GRIA1: variants seen among roughly 807,000 people sequenced by gnomAD.
The protein encoded by GRIA1 is glutamate receptor 1.
GRIA1 carries 31 observed loss-of-function variants against 99.2 expected under a neutral mutation model. The ratio of observed to expected loss-of-function variants is 0.31; its 90% CI spans 0.23 to 0.42. The LOEUF (loss-of-function observed/expected upper bound fraction) is 0.42. Ranked by LOEUF, GRIA1 falls within the 10% of genes least tolerant of loss-of-function variation. GRIA1 has a pLI of 1.00. For synonymous variants in GRIA1, 438 were observed against 432.4 expected (o/e 1.01, Z -0.16); for missense variants, 782 against 1,157.5 (o/e 0.68, Z 4.71).
At chr5:153,612,166 G>A (rs139666774) in intron 2 of GRIA1, among the ~76,000 whole-genome samples, 1 of 152,286 alleles carries the variant, frequency 6.6e-6, no homozygotes, top group East Asian at 1.9e-4. Context: ...CACCTAGGTG[G>A]GAATGAATAA....
intron 13 of GRIA1, among the ~76,000 whole-genome samples, chr5:153,779,849 C>T (rs923869407): frequency 2.0e-5 from 3 of 152,308 alleles, no homozygotes; most frequent in Non-Finnish European, 4.4e-5. Flanking sequence ...CATGAGCCAC[C>T]ATGCCCATCC....
At chr5:153,680,881 C>A (rs1756925600) in intron 7 of GRIA1, among the ~76,000 whole-genome samples, 1 of 152,118 alleles carries the variant, frequency 6.6e-6, no homozygotes, top group South Asian at 2.1e-4. Context: ...ACTTTATTAT[C>A]CAAAATCTAT....
chr5:153,790,013 A>C (rs1412235756), intron 13 of GRIA1, among the ~76,000 whole-genome samples: 2 of 152,214 alleles, frequency 1.3e-5, no homozygotes, highest in Non-Finnish European at 2.9e-5. Context: ...AGATGGAGAC[A>C]CTGAAGCTCA....
At chr5:153,524,558 G>A (rs1004655520) in intron 2 of GRIA1, among the ~76,000 whole-genome samples, 2 of 152,078 alleles carry the variant, frequency 1.3e-5, no homozygotes, top group Admixed American at 6.6e-5. Flanking sequence ...TTTAATTCCA[G>A]GCTAGATCAC....
intron 2 of GRIA1, among the ~76,000 whole-genome samples, chr5:153,626,223 G>A (rs1767590312): frequency 1.3e-5 from 2 of 152,196 alleles, no homozygotes; most frequent in Admixed American, 6.5e-5. Context: ...ATTTTAAATA[G>A]GAGAGAAAAG....
chr5:153,520,584 G>A (rs1757046724), intron 2 of GRIA1, among the ~76,000 whole-genome samples: 2 of 152,120 alleles, frequency 1.3e-5, no homozygotes, highest in Admixed American at 6.6e-5. Context: ...AGTGAGTAGG[G>A]AAGATGTATA....
chr5:153,673,438 G>A (rs1457167299), intron 5 of GRIA1, among the ~76,000 whole-genome samples: 1 of 152,156 alleles, frequency 6.6e-6, no homozygotes, highest in Non-Finnish European at 1.5e-5. Flanking sequence ...TTCCCCACTA[G>A]AATATAAGCT....
intron 2 of GRIA1, among the ~76,000 whole-genome samples, chr5:153,527,824 A>G (rs1262632361): frequency 6.6e-6 from 1 of 152,196 alleles, no homozygotes; most frequent in Non-Finnish European, 1.5e-5. Context: ...GAAATGGAAC[A>G]TTTCTTGAGA....
chr5:153,787,967 C>T (rs1353869804), intron 13 of GRIA1, among the ~76,000 whole-genome samples: 1 of 152,100 alleles, frequency 6.6e-6, no homozygotes, highest in African/African-American at 2.4e-5. Context: ...GTAGTCCCAG[C>T]TACTCGGGAG....
Position 153,677,180 on chromosome 5 carries a change from G to A in GRIA1, c.1029+19G>A. The stretch of plus-strand genomic sequence containing the variant: ...GCAGCAGGTAAGACCACCAATGTTT[G>A]CCCCATCTCATAGGAGCCTACTGGG... On this transcript the variant is annotated intron_variant, in intron 7 of 15. Coordinates refer to ENST00000285900, the MANE Select transcript of GRIA1 (RefSeq NM_000827.4). 7.0e-7 allele frequency: 1 copy of A among 1,424,826 alleles called. No individual in the cohort carries two copies. The highest frequency in any genetic ancestry group is 9.3e-7 in the Non-Finnish European group (1 of 1,075,016). 88.3% of individuals were successfully genotyped at this position (1,424,826 alleles called of 1,614,324 possible).
chr5:153,532,599 A>C (rs1037150724), intron 2 of GRIA1, among the ~76,000 whole-genome samples: 1 of 152,144 alleles, frequency 6.6e-6, no homozygotes, highest in Non-Finnish European at 1.5e-5. Context: ...CTCAACATTG[A>C]GGATGTCATG....
chr5:153,800,926 G>A (rs1345661107), intron 14 of GRIA1, among the ~76,000 whole-genome samples: 1 of 152,184 alleles, frequency 6.6e-6, no homozygotes, highest in Non-Finnish European at 1.5e-5. Flanking sequence ...GAGGTATAAA[G>A]GCCACATCCT....
chr5:153,793,910 T>G (rs1264287278), intron 13 of GRIA1, among the ~76,000 whole-genome samples: 1 of 152,196 alleles, frequency 6.6e-6, no homozygotes, highest in Non-Finnish European at 1.5e-5. Context: ...TAAACAGCAG[T>G]CATGTAAATG....
intron 13 of GRIA1, among the ~76,000 whole-genome samples, chr5:153,777,522 C>T (rs1371946964): frequency 6.6e-6 from 1 of 152,140 alleles, no homozygotes; most frequent in Admixed American, 6.5e-5. Context: ...GATGAAATAG[C>T]ATGAAGTGCC....
At chr5:153,683,782 T>C (rs773244771) in intron 7 of GRIA1, among the ~76,000 whole-genome samples, 14 of 152,188 alleles carry the variant, frequency 9.2e-5, no homozygotes, top group Admixed American at 5.9e-4. Context: ...TATTATCATC[T>C]AAATAATATA....
chr5:153,502,482 C>A (rs1353204898), intron 2 of GRIA1, among the ~76,000 whole-genome samples: 4 of 152,070 alleles, frequency 2.6e-5, no homozygotes, highest in Admixed American at 6.6e-5. Context: ...AGGTGTAAGT[C>A]CAATTGAAAG....
chr5:153,665,801 T>C (rs1198568346), intron 5 of GRIA1, among the ~76,000 whole-genome samples: 1 of 152,146 alleles, frequency 6.6e-6, no homozygotes, highest in Non-Finnish European at 1.5e-5. Context: ...AAAGCAGAGC[T>C]ACTATGGTGG....
intron 2 of GRIA1, among the ~76,000 whole-genome samples, chr5:153,606,076 C>T (rs1374640674): frequency 6.6e-6 from 1 of 152,030 alleles, no homozygotes; most frequent in East Asian, 1.9e-4. Context: ...TTATGTTTTT[C>T]CACTTAAATT....
At chr5:153,563,049 G>A (rs547283930) in intron 2 of GRIA1, among the ~76,000 whole-genome samples, 4 of 151,976 alleles carry the variant, frequency 2.6e-5, no homozygotes, top group East Asian at 3.9e-4. Context: ...GGTGGCAGGC[G>A]CCTGTAATCC....
Sources: gnomAD v4.1 joint callset for allele counts (sites outside exome capture counted in the v4.1 genomes callset) on GRCh38, gnomAD v4.1.1 for gene constraint, MANE v1.5 for transcripts, NCBI Gene and HGNC (gene_info 2026-07-23, HGNC 2026-07-21) for gene names.